C12orf50: variants seen among roughly 807,000 people sequenced by gnomAD.
C12orf50 encodes the protein zinc finger CCCH-type containing 11D.
Under a neutral mutation model 61.6 loss-of-function variants are expected in C12orf50, and 35 were observed. The observed-to-expected ratio is 0.57, with a 90% CI of 0.43 to 0.75. The LOEUF (loss-of-function observed/expected upper bound fraction) is 0.75. Among genes scored for constraint, C12orf50 ranks in the 30% least tolerant of loss-of-function variants. The pLI is 0.00. For missense variants in C12orf50, 475 were observed against 488.5 expected, an observed-to-expected ratio of 0.97 and a Z score of 0.26; for synonymous variants, 178 against 161.5, an observed-to-expected ratio of 1.10 and a Z score of -0.77.
Position 87,988,023 on chromosome 12 carries a change from T to G in C12orf50, c.701-57A>C, listed in dbSNP as rs1055385758. ...AATATTAGTTTTTAAAAAAAGCATTTCAGTTGTTATTTCACTATTCAAACA... is the reference window on the plus strand; with the variant it reads ...AATATTAGTTTTTAAAAAAAGCATTGCAGTTGTTATTTCACTATTCAAACA... On this transcript the variant is annotated intron_variant, in intron 8 of 12. Coordinates refer to ENST00000298699, the MANE Select transcript of C12orf50 (RefSeq NM_152589.3). The G allele has an allele frequency of 3.6e-6, 4 of 1,125,090 alleles. No individual in the cohort carries two copies. The African/African-American group carries it at 4.7e-5, about 13-fold the overall frequency. The allele number at this position is 1,125,090 out of a possible 1,614,324, so 69.7% of individuals were successfully genotyped here.
chr12:88,027,457 C>T lies in C12orf50; in HGVS notation c.-108-387G>A, dbSNP rs147243466. Among the ~76,000 whole-genome samples the T allele has an allele frequency of 4.0e-3, 610 of 152,278 alleles. 6 individuals are homozygous for T. The highest frequency in any genetic ancestry group is 0.014 in the African/African-American group (571 of 41,560). On this transcript the variant is annotated intron_variant, in intron 1 of 12. Coordinates refer to ENST00000298699, the MANE Select transcript of C12orf50 (RefSeq NM_152589.3). Reference sequence around the variant, plus strand: ...TGAAATTTTTAAGAATCTCTACCTACATTCTAATTGTGAAAATGATTTCTA... The same window carrying T: ...TGAAATTTTTAAGAATCTCTACCTATATTCTAATTGTGAAAATGATTTCTA...
In C12orf50 at chr12:87,985,940, C is replaced by T. The variant is rs149469123; in HGVS notation, c.1036G>A (p.Ala346Thr). The T allele has an allele frequency of 7.4e-5, 119 of 1,613,754 alleles. No individual in the cohort carries two copies. The highest frequency in any genetic ancestry group is 9.2e-5 in the Non-Finnish European group (108 of 1,179,878). ...CTGCTGCGGGAAGGTGCATTCAACG[C>T]GACAGTCCTGACAGCATCTCTTTGA... ...HVQRDAVRTV[A>T]LNAPSRSRPT... Residue 346 changes from alanine to threonine, a missense_variant, in exon 11 of 13, where the codon GCG becomes ACG. By Grantham distance (58) the Ala-to-Thr change is moderately conservative. Coordinates refer to ENST00000298699, the MANE Select transcript of C12orf50 (RefSeq NM_152589.3).
chr12:88,029,793 C>A (rs1394026026), upstream of C12orf50, among the ~76,000 whole-genome samples: 1 of 152,012 alleles, frequency 6.6e-6, no homozygotes, highest in Non-Finnish European at 1.5e-5. Flanking sequence ...CTCTACTATC[C>A]ATTGATTTGG....
intron 3 of C12orf50, among the ~76,000 whole-genome samples, chr12:88,014,512 G>T (rs1460448918): frequency 6.6e-6 from 1 of 152,124 alleles, no homozygotes; most frequent in Non-Finnish European, 1.5e-5. Flanking sequence ...TATGAGCCAG[G>T]ATGGTCTCGA....
chr12:88,024,420 T>C (rs1363481615), intron 3 of C12orf50, among the ~76,000 whole-genome samples: 1 of 152,172 alleles, frequency 6.6e-6, no homozygotes. Context: ...AAATGTGGTA[T>C]ATATATGCCA....
intron 6 of C12orf50, among the ~76,000 whole-genome samples, chr12:87,995,230 T>C (rs1259713427): frequency 6.6e-6 from 1 of 152,082 alleles, no homozygotes; most frequent in Non-Finnish European, 1.5e-5. Flanking sequence ...AAAAGAGACA[T>C]GACAACCTAA....
chr12:88,027,801 A>G (rs1466879105), intron 1 of C12orf50: 2 of 152,174 alleles, frequency 1.3e-5, no homozygotes, highest in Non-Finnish European at 2.9e-5. Flanking sequence ...GTGTGGGAAG[A>G]GAGGTGGATA....
At chr12:88,022,666 A>G (rs1381413854) in intron 3 of C12orf50, among the ~76,000 whole-genome samples, 2 of 152,240 alleles carry the variant, frequency 1.3e-5, no homozygotes, top group Non-Finnish European at 2.9e-5. Flanking sequence ...GTTTCAGGAT[A>G]CAAAATTAAC....
chr12:87,994,786 A>T (rs762966229), intron 6 of C12orf50, 43 bp from the exon 7 acceptor site: 1 of 1,240,418 alleles, frequency 8.1e-7, no homozygotes, highest in African/African-American at 1.5e-5. Flanking sequence ...AAATTATTAG[A>T]TGCTTAAATA....
At chr12:87,998,612 T>C (rs1287007054) in intron 3 of C12orf50, among the ~76,000 whole-genome samples, 1 of 152,202 alleles carries the variant, frequency 6.6e-6, no homozygotes, top group African/African-American at 2.4e-5. Flanking sequence ...CGAATTAATC[T>C]ATAGGTATGA....
At chr12:87,980,707 G>A (rs1225935874) in intron 12 of C12orf50, among the ~76,000 whole-genome samples, 1 of 152,116 alleles carries the variant, frequency 6.6e-6, no homozygotes, top group Non-Finnish European at 1.5e-5. Context: ...CTCAAGAGAA[G>A]GTCACCAATG....
At chr12:88,016,533 T>C (rs1207708182) in intron 3 of C12orf50, among the ~76,000 whole-genome samples, 1 of 152,222 alleles carries the variant, frequency 6.6e-6, no homozygotes, top group Non-Finnish European at 1.5e-5. Flanking sequence ...AGTAGTTCAA[T>C]ACATATTTCA....
In C12orf50 at chr12:87,994,693, C is replaced by T; in HGVS notation, c.532G>A (p.Glu178Lys). ...TKLSQYERQG[E>K]IKTSLHGKPK... is the part of the protein sequence containing the mutation. Reference sequence around the variant, plus strand: ...TTCCCATGCAATGATGTTTTTATTTCACCTTGCCTTTCATATTGGCTAAGT... The same window carrying T: ...TTCCCATGCAATGATGTTTTTATTTTACCTTGCCTTTCATATTGGCTAAGT... The change falls in exon 7 of 13, where the codon GAA becomes AAA. Residue 178 changes from glutamate to lysine, a missense_variant. Coordinates refer to ENST00000298699, the MANE Select transcript of C12orf50 (RefSeq NM_152589.3). 1 of 1,613,454 alleles carries T rather than the reference C, an allele frequency of 6.2e-7. No individual in the cohort carries two copies. Among genetic ancestry groups the T allele is most frequent in the Non-Finnish European group, 8.5e-7 (1 of 1,179,678 alleles).
intron 3 of C12orf50, among the ~76,000 whole-genome samples, chr12:88,023,263 C>T (rs2032583775): frequency 6.6e-6 from 1 of 150,566 alleles, no homozygotes. Flanking sequence ...AGGGAGAGGA[C>T]TCCCCTTTCA....
chr12:87,998,572 C>T (rs115942619), intron 3 of C12orf50, among the ~76,000 whole-genome samples: 3,528 of 152,108 alleles, frequency 0.023, 144 homozygotes, highest in African/African-American at 0.079. Flanking sequence ...TGTTTATGGA[C>T]TGATTTGTAT....
chr12:88,026,831 G>C, intron 2 of C12orf50, 120 bp downstream of exon 2: 1 of 1,456,276 alleles, frequency 6.9e-7, no homozygotes, highest in Non-Finnish European at 9.2e-7. Flanking sequence ...ATTGCAAAAT[G>C]CCTAAAATCA....
chr12:87,990,699 T>C (rs141894245), intron 7 of C12orf50, among the ~76,000 whole-genome samples: 10 of 151,734 alleles, frequency 6.6e-5, no homozygotes, highest in African/African-American at 2.4e-4. Flanking sequence ...ATTCATCATG[T>C]AAGGAAATAA....
intron 3 of C12orf50, among the ~76,000 whole-genome samples, chr12:88,023,060 G>C (rs527338357): frequency 1.3e-5 from 2 of 152,136 alleles, no homozygotes; most frequent in South Asian, 4.2e-4. Context: ...CAATCTTAAA[G>C]CAAAAAGTTC....
chr12:88,020,057 G>A (rs1040979878), intron 3 of C12orf50, among the ~76,000 whole-genome samples: 1 of 152,124 alleles, frequency 6.6e-6, no homozygotes, highest in Non-Finnish European at 1.5e-5. Context: ...ATACGGAAAG[G>A]AAAGACAGTT....
Sources: allele counts gnomAD v4.1 joint callset (sites outside exome capture counted in the v4.1 genomes callset), GRCh38; gene constraint gnomAD v4.1.1; transcripts MANE v1.5; gene names NCBI Gene and HGNC (gene_info 2026-07-23, HGNC 2026-07-21).